Variants in BMPR1A observed in about 807,000 individuals in gnomAD.
The protein encoded by BMPR1A is bone morphogenetic protein receptor type-1A.
In BMPR1A, 7 loss-of-function variants were observed where a neutral mutation model predicts 66.0. The ratio of observed to expected loss-of-function variants is 0.11; its 90% CI spans 0.06 to 0.20. BMPR1A has a LOEUF of 0.20. Ranked by LOEUF, BMPR1A falls within the 10% of genes least tolerant of loss-of-function variation. The pLI is 1.00. For synonymous variants in BMPR1A, 200 were observed against 229.7 expected (o/e 0.87, Z 1.17); for missense variants, 408 against 669.1 (o/e 0.61, Z 4.31).
At chr10:86,811,026 C>T (rs906965167) in intron 1 of BMPR1A, among the ~76,000 whole-genome samples, 1 of 152,032 alleles carries the variant, frequency 6.6e-6, no homozygotes, top group African/African-American at 2.4e-5. Context: ...GCACCCGGCC[C>T]GTTTTTGGTT....
At chr10:86,809,297 CT>C (rs375404397) in intron 1 of BMPR1A, among the ~76,000 whole-genome samples, 3,472 of 142,444 alleles carry the variant, frequency 0.024, 140 homozygotes, top group African/African-American at 0.082. Context: ...GCCCCCCTCC[CT>C]TTTTTTTTTG....
At chr10:86,854,927 CTTTTTCTTTTTTTTTT>C (rs974538188) in intron 2 of BMPR1A, 34 of 170,420 alleles carry the variant, frequency 2.0e-4, no homozygotes, top group African/African-American at 7.8e-4. Flanking sequence ...CTTTTTTTTT[CTTTTTCTTTTTTTTTT>C]TTTTTCTTTT....
chr10:86,846,535 C>A (rs1056187278), intron 2 of BMPR1A, among the ~76,000 whole-genome samples: 2 of 152,082 alleles, frequency 1.3e-5, no homozygotes, highest in Non-Finnish European at 2.9e-5. Context: ...CCTTTTTGGA[C>A]CCTTTTAATA....
intron 2 of BMPR1A, among the ~76,000 whole-genome samples, chr10:86,864,181 A>G (rs909937604): frequency 2.0e-5 from 3 of 152,096 alleles, no homozygotes; most frequent in Admixed American, 6.5e-5. Flanking sequence ...TCCTCTACCT[A>G]CATGTGTCTA....
intron 1 of BMPR1A, among the ~76,000 whole-genome samples, chr10:86,804,737 T>C (rs955590590): frequency 6.6e-6 from 1 of 151,794 alleles, no homozygotes; most frequent in Admixed American, 6.6e-5. Flanking sequence ...TTTGGTCAAG[T>C]ATGTCTCATG....
intron 1 of BMPR1A, among the ~76,000 whole-genome samples, chr10:86,830,752 T>C (rs995694996): frequency 6.6e-6 from 1 of 152,204 alleles, no homozygotes; most frequent in Admixed American, 6.5e-5. Flanking sequence ...TTAGCAAATA[T>C]ATTTTCCTAG....
chr10:86,897,743 A>C (rs575757878), intron 5 of BMPR1A, among the ~76,000 whole-genome samples: 8 of 152,158 alleles, frequency 5.3e-5, no homozygotes, highest in African/African-American at 1.9e-4. Context: ...AGTAGCTGGG[A>C]CCACAGGCGT....
At chr10:86,818,963 G>A (rs1842075160) in intron 1 of BMPR1A, among the ~76,000 whole-genome samples, 2 of 152,190 alleles carry the variant, frequency 1.3e-5, no homozygotes, top group Admixed American at 1.3e-4. Flanking sequence ...CTAGCAGTCA[G>A]TAAATACGTT....
chr10:86,832,371 C>T (rs1036824511), intron 1 of BMPR1A, among the ~76,000 whole-genome samples: 1 of 150,940 alleles, frequency 6.6e-6, no homozygotes, highest in African/African-American at 2.4e-5. Context: ...GAGGCTGAGG[C>T]AGGAGAATTG....
intron 3 of BMPR1A, among the ~76,000 whole-genome samples, chr10:86,877,347 A>T (rs1212559082): frequency 6.6e-6 from 1 of 151,526 alleles, no homozygotes; most frequent in Non-Finnish European, 1.5e-5. Flanking sequence ...AGCTGGGATT[A>T]CAGGCGCCCA....
In BMPR1A at chr10:86,906,759, A is replaced by C. The variant is rs1320922158; in HGVS notation, c.531-5481A>C. ...AAAAAAAAAAAAAAAAAAAAAAAAAAAAACACTTTGTCCTTTTATCTGTCT... is the reference window on the plus strand; with the variant it reads ...AAAAAAAAAAAAAAAAAAAAAAAAACAAACACTTTGTCCTTTTATCTGTCT... On this transcript the variant is annotated intron_variant, in intron 7 of 12. Coordinates refer to ENST00000372037, the MANE Select transcript of BMPR1A (RefSeq NM_004329.3). 2.1e-5 allele frequency among the ~76,000 whole-genome samples: 3 copies of C among 144,282 alleles called. 1 individual carries two copies. The highest frequency in any genetic ancestry group is 7.2e-5 in the Admixed American group (1 of 13,840). The allele number at this position is 144,282 out of a possible 152,430, so 94.7% of individuals were successfully genotyped here. A position where few individuals can be genotyped will look rare whatever the true frequency, so the allele number is the denominator to read the frequency against.
At chr10:86,844,529 AG>A (rs2133142672) in intron 2 of BMPR1A, among the ~76,000 whole-genome samples, 1 of 152,352 alleles carries the variant, frequency 6.6e-6, no homozygotes. Context: ...TAAGGCAGTA[AG>A]TTAATTATAT....
intron 1 of BMPR1A, among the ~76,000 whole-genome samples, chr10:86,767,252 G>A (rs1055347089): frequency 5.9e-5 from 9 of 152,176 alleles, no homozygotes; most frequent in Admixed American, 3.3e-4. Flanking sequence ...CTCTCAACTT[G>A]TTATACGCTC....
chr10:86,866,804 T>C (rs1842793633), intron 2 of BMPR1A, among the ~76,000 whole-genome samples: 1 of 152,056 alleles, frequency 6.6e-6, no homozygotes. Flanking sequence ...GACAAAACAC[T>C]GCACTTTGGA....
chr10:86,776,640 C>T (rs1841352160), intron 1 of BMPR1A, among the ~76,000 whole-genome samples: 1 of 152,172 alleles, frequency 6.6e-6, no homozygotes, highest in South Asian at 2.1e-4. Flanking sequence ...AGATCACTCT[C>T]CCTCCCACCT....
chr10:86,805,712 C>T (rs1409304224), intron 1 of BMPR1A, among the ~76,000 whole-genome samples: 2 of 152,012 alleles, frequency 1.3e-5, no homozygotes, highest in Non-Finnish European at 2.9e-5. Flanking sequence ...CCACCTGCCT[C>T]GGCCTCCCAA....
chr10:86,761,639 G>T (rs1185861793), intron 1 of BMPR1A, among the ~76,000 whole-genome samples: 2 of 152,164 alleles, frequency 1.3e-5, no homozygotes, highest in Non-Finnish European at 2.9e-5. Context: ...CCTGCTCAAG[G>T]TCATCACCAA....
chr10:86,912,195 T>C (rs757182566), intron 7 of BMPR1A, 45 bp from the exon 8 acceptor site: 4 of 1,604,662 alleles, frequency 2.5e-6, no homozygotes, highest in Non-Finnish European at 3.4e-6. Flanking sequence ...TAGGGTTTTA[T>C]AGTTTTTCAT....
chr10:86,755,906 T>A (rs1233872234), upstream of BMPR1A: 1 of 151,966 alleles, frequency 6.6e-6, no homozygotes, highest in East Asian at 1.9e-4. Context: ...GGAGCCTCCA[T>A]CACCCTGCCT....
Sources: allele counts gnomAD v4.1 joint callset (sites outside exome capture counted in the v4.1 genomes callset), GRCh38; gene constraint gnomAD v4.1.1; transcripts MANE v1.5; gene names NCBI Gene and HGNC (gene_info 2026-07-23, HGNC 2026-07-21).